The following VPS54 variants were observed in gnomAD, a reference collection of about 807,000 sequenced individuals.
VPS54 encodes vacuolar protein sorting-associated protein 54.
Under a neutral mutation model 121.5 loss-of-function variants are expected in VPS54, and 45 were observed. The ratio of observed to expected loss-of-function variants is 0.37; its 90% CI spans 0.29 to 0.47. The LOEUF (loss-of-function observed/expected upper bound fraction) is 0.47, where lower values mean the gene tolerates loss of function less well. Ranked by LOEUF, VPS54 falls within the 20% of genes least tolerant of loss-of-function variation. The pLI, the probability that VPS54 is intolerant of heterozygous loss-of-function variation, is 0.99. For missense variants in VPS54, 1,090 were observed against 1,131.4 expected (o/e 0.96, Z 0.52); for synonymous variants, 371 against 385.8 (o/e 0.96, Z 0.45).
intron 11 of VPS54, among the ~76,000 whole-genome samples, chr2:63,941,400 T>C (rs1427005969): frequency 6.6e-6 from 1 of 152,026 alleles, no homozygotes; most frequent in Non-Finnish European, 1.5e-5. Flanking sequence ...AATTTAAAAA[T>C]TTATTTTGTA....
In VPS54 at chr2:63,915,696, G is replaced by A. The variant is rs143802438; in HGVS notation, c.2228+1204C>T. 4.8e-3 allele frequency among the ~76,000 whole-genome samples: 736 copies of A among 152,242 alleles called. 2 individuals carry two copies. The highest frequency in any genetic ancestry group is 6.9e-3 in the Non-Finnish European group (471 of 68,006). On this transcript the variant is annotated intron_variant, in intron 16 of 22. Transcript: ENST00000272322. Reference sequence around the variant, plus strand: ...TTATATTGAAGGGATGGGATTACAGGAAGACTGAAGAAAGCTTTCCCTACC... The same window carrying A: ...TTATATTGAAGGGATGGGATTACAGAAAGACTGAAGAAAGCTTTCCCTACC...
At chr2:63,991,989 C>T (rs945404169) in intron 1 of VPS54, among the ~76,000 whole-genome samples, 3 of 152,178 alleles carry the variant, frequency 2.0e-5, no homozygotes, top group African/African-American at 7.2e-5. Context: ...GGTCACTGGC[C>T]CTTTACCTCA....
rs563350474 is a variant in VPS54 at position 63,961,227 on chromosome 2, GAATC to G, written c.1010+827_1010+830del. Among the ~76,000 whole-genome samples, 60 of 152,250 alleles carry G rather than the reference GAATC, an allele frequency of 3.9e-4. No individual in the cohort carries two copies. In the East Asian group the frequency reaches 0.011, roughly 27 times the overall value. Reference sequence around the variant, plus strand: ...CTCAACAGCCATACCTTAACTGAATGAATCAATCAATTGTTCATCTAATTAAATT... The same window carrying G: ...CTCAACAGCCATACCTTAACTGAATGAATCAATTGTTCATCTAATTAAATT... On this transcript the variant is annotated intron_variant, in intron 7 of 22. Transcript: ENST00000272322.
chr2:63,939,021 C>T (rs556700862), intron 11 of VPS54, among the ~76,000 whole-genome samples: 7 of 152,144 alleles, frequency 4.6e-5, no homozygotes, highest in South Asian at 4.2e-4. Context: ...TTTATAAATC[C>T]CAATAGCTTA....
At chr2:63,982,031 A>C in intron 2 of VPS54, 144 bp from the exon 3 acceptor site, 5 of 884,136 alleles carry the variant, frequency 5.7e-6, no homozygotes, top group Non-Finnish European at 7.9e-6. Context: ...AATAAAAATC[A>C]ATCTGATTGA....
At chr2:63,900,220 CAAA>C (rs70965149) in intron 20 of VPS54, among the ~76,000 whole-genome samples, 3 of 63,386 alleles carry the variant, frequency 4.7e-5, no homozygotes, top group Admixed American at 4.6e-4. Context: ...AACTCTGTCT[CAAA>C]AAAAAAAAAA....
intron 20 of VPS54, among the ~76,000 whole-genome samples, chr2:63,902,612 G>C (rs1440454385): frequency 2.0e-5 from 3 of 151,802 alleles, no homozygotes; most frequent in Non-Finnish European, 4.4e-5. Flanking sequence ...AAGAAATAAA[G>C]CAACCAACAG....
At chr2:64,006,381 C>A (rs1358412668) in intron 1 of VPS54, among the ~76,000 whole-genome samples, 1 of 152,198 alleles carries the variant, frequency 6.6e-6, no homozygotes, top group South Asian at 2.1e-4. Context: ...CTCCACCTTC[C>A]TTGTAAAACG....
intron 11 of VPS54, among the ~76,000 whole-genome samples, chr2:63,940,642 GA>G (rs1413977832): frequency 1.3e-5 from 2 of 152,062 alleles, no homozygotes; most frequent in Non-Finnish European, 2.9e-5. Context: ...AATGATGAGT[GA>G]AAAAAATAGC....
chr2:63,947,977 G>C (rs887267907), intron 8 of VPS54, among the ~76,000 whole-genome samples: 4 of 151,944 alleles, frequency 2.6e-5, no homozygotes, highest in African/African-American at 9.7e-5. Context: ...GCTGGGACTA[G>C]AGGCATGCAC....
intron 12 of VPS54, among the ~76,000 whole-genome samples, chr2:63,924,078 AGCC>A (rs1673778438): frequency 6.6e-6 from 1 of 152,246 alleles, no homozygotes; most frequent in Non-Finnish European, 1.5e-5. Context: ...AATTGGGGAA[AGCC>A]AGAGAAGGTT....
At chr2:63,946,065 A>C (rs911842847) in intron 9 of VPS54, among the ~76,000 whole-genome samples, 3 of 152,064 alleles carry the variant, frequency 2.0e-5, no homozygotes, top group Admixed American at 6.6e-5. Flanking sequence ...TCCTCCCAAA[A>C]TATACTATTA....
intron 1 of VPS54, among the ~76,000 whole-genome samples, chr2:64,008,044 G>C (rs1314902262): frequency 1.3e-5 from 2 of 151,976 alleles, no homozygotes; most frequent in East Asian, 3.9e-4. Context: ...AGTTGAGCAA[G>C]AATCTTTTAG....
At chr2:63,949,527 G>A (rs1675141291) in intron 7 of VPS54, among the ~76,000 whole-genome samples, 2 of 152,096 alleles carry the variant, frequency 1.3e-5, no homozygotes, top group Admixed American at 1.3e-4. Context: ...TATATTATGT[G>A]TACCATATAC....
intron 20 of VPS54, among the ~76,000 whole-genome samples, chr2:63,904,380 A>T (rs1672815681): frequency 7.4e-6 from 1 of 134,906 alleles, no homozygotes; most frequent in African/African-American, 2.7e-5. Context: ...CATAGGTTGC[A>T]GTGAGCCAAG....
intron 18 of VPS54, 39 bp from the exon 19 acceptor site, chr2:63,912,700 A>T (rs2302808): frequency 0.19 from 295,437 of 1,533,238 alleles, 28,662 homozygotes; most frequent in Middle Eastern, 0.27. Context: ...GGAGAAATAA[A>T]AAAAAAAAAG....
intron 1 of VPS54, among the ~76,000 whole-genome samples, chr2:63,997,368 T>C (rs978774137): frequency 1.3e-5 from 2 of 152,214 alleles, no homozygotes; most frequent in African/African-American, 4.8e-5. Flanking sequence ...TCACAACTTT[T>C]ATCTTATTAC....
chr2:63,910,909 T>TTTTG (rs1255404140), intron 20 of VPS54, among the ~76,000 whole-genome samples: 5 of 152,208 alleles, frequency 3.3e-5, no homozygotes, highest in Non-Finnish European at 7.3e-5. Flanking sequence ...GTTCCACTAT[T>TTTTG]TTTGTTTGTT....
intron 1 of VPS54, among the ~76,000 whole-genome samples, chr2:64,004,136 C>A (rs547827521): frequency 6.7e-6 from 1 of 149,380 alleles, no homozygotes; most frequent in Non-Finnish European, 1.5e-5. Context: ...TAGAGTATAA[C>A]ATATGGAATA....
Sources: gnomAD v4.1 joint callset for allele counts (sites outside exome capture counted in the v4.1 genomes callset) on GRCh38, gnomAD v4.1.1 for gene constraint, MANE v1.5 for transcripts, NCBI Gene and HGNC (gene_info 2026-07-23, HGNC 2026-07-21) for gene names.